DYDC2: variants seen among roughly 807,000 people sequenced by gnomAD.
The protein encoded by DYDC2 is DPY30 domain containing 2.
A neutral mutation model predicts 18.7 loss-of-function variants in DYDC2; 19 were observed. That is an observed-to-expected ratio of 1.02 (90% CI 0.71 to 1.49). The LOEUF (loss-of-function observed/expected upper bound fraction) is 1.49. Ranked by LOEUF, DYDC2 falls within the 40% of genes most tolerant of loss-of-function variation. The pLI, the probability that DYDC2 is intolerant of heterozygous loss-of-function variation, is 0.00. For synonymous variants in DYDC2, 63 were observed against 67.6 expected (o/e 0.93, Z 0.34); for missense variants, 179 against 205.1 (o/e 0.87, Z 0.78).
intron 2 of DYDC2, among the ~76,000 whole-genome samples, chr10:80,359,242 T>A (rs1843583200): frequency 1.3e-5 from 2 of 152,146 alleles, no homozygotes; most frequent in African/African-American, 4.8e-5. Flanking sequence ...GTTCTCCAAG[T>A]CCCCACTAGA....
Position 80,368,007 on chromosome 10 carries a change from A to G in DYDC2, c.*1056A>G, listed in dbSNP as rs1843888402. On this transcript the variant is annotated 3_prime_UTR_variant, in exon 5 of 5. Transcript: ENST00000256039. ...CTCTCCCCAGCCCCTGGCAACCACC[A>G]TTCTTTCTGTCTCTGTGATTTAGAT... 6.6e-6 allele frequency: 1 copy of G among 152,036 alleles called. No homozygotes were observed. 9.4% of individuals were successfully genotyped at this position (152,036 alleles called of 1,614,324 possible).
Position 80,366,966 on chromosome 10 carries a change from A to G in DYDC2, c.*15A>G, listed in dbSNP as rs371384461. ...CTCCTTTTTAGGTTACAGAAGGTAG[A>G]TGCTTCTGATTTACTTCTCTCAAAG... On this transcript the variant is annotated 3_prime_UTR_variant, in exon 5 of 5. Coordinates refer to ENST00000256039, the MANE Select transcript of DYDC2 (RefSeq NM_032372.6). The G allele has an allele frequency of 7.6e-5, 121 of 1,596,388 alleles. No individual in the cohort carries two copies. In the Admixed American group the frequency reaches 1.3e-3, roughly 17 times the overall value.
intron 2 of DYDC2, among the ~76,000 whole-genome samples, chr10:80,361,892 C>T (rs908533443): frequency 2.6e-5 from 4 of 152,198 alleles, no homozygotes; most frequent in African/African-American, 9.7e-5. Context: ...GCCATTTCTC[C>T]AAGGAGCCCT....
chr10:80,345,076 G>A (rs71481601), intron 1 of DYDC2, among the ~76,000 whole-genome samples: 10 of 152,046 alleles, frequency 6.6e-5, no homozygotes, highest in South Asian at 2.1e-4. Flanking sequence ...GTTTAAAGCC[G>A]GGAAGTGTTC....
intron 2 of DYDC2, among the ~76,000 whole-genome samples, chr10:80,359,771 C>T (rs915349982): frequency 6.6e-6 from 1 of 152,208 alleles, no homozygotes; most frequent in African/African-American, 2.4e-5. Context: ...GCAGTGCTGG[C>T]CGGCTGATCC....
chr10:80,348,801 A>G (rs1486390637), intron 1 of DYDC2, among the ~76,000 whole-genome samples: 1 of 152,234 alleles, frequency 6.6e-6, no homozygotes, highest in Non-Finnish European at 1.5e-5. Context: ...TTATACACAC[A>G]TAGACTGATA....
chr10:80,353,707 A>C (rs1843154276), upstream of DYDC2, among the ~76,000 whole-genome samples: 1 of 151,708 alleles, frequency 6.6e-6, no homozygotes, highest in Admixed American at 6.6e-5. Flanking sequence ...TGAACTGTGC[A>C]CTTACTCTGT....
At chr10:80,356,507 G>A, upstream of DYDC2, 1 of 985,454 alleles carries the variant, frequency 1.0e-6, no homozygotes, top group Non-Finnish European at 1.2e-6. Context: ...CAGCCCGCAG[G>A]AGACGCAGCG....
rs1406367302 is a variant in DYDC2, at chr10:80,357,952, T to C, written c.-103T>C. ...TAAACAAAGACAACCCCTATTCTTA[T>C]CACCTTGCCTACTGAGTGCAAGTCC... On this transcript the variant is annotated 5_prime_UTR_variant, in exon 2 of 5. Transcript: ENST00000256039. 35 of 985,142 alleles carry C rather than the reference T, an allele frequency of 3.6e-5. No individual in the cohort carries two copies. The highest frequency in any genetic ancestry group is 3.5e-5 in the Non-Finnish European group (29 of 829,772). 61.0% of individuals were successfully genotyped at this position (985,142 alleles called of 1,614,324 possible). A position where few individuals can be genotyped will look rare whatever the true frequency, so the allele number is the denominator to read the frequency against.
chr10:80,352,983 C>A (rs1366316413), upstream of DYDC2, among the ~76,000 whole-genome samples: 11 of 152,094 alleles, frequency 7.2e-5, no homozygotes, highest in Non-Finnish European at 1.6e-4. Flanking sequence ...CAAGCCCAGG[C>A]ACAGACAGCG....
At chr10:80,361,536 A>G (rs943490636) in intron 2 of DYDC2, among the ~76,000 whole-genome samples, 1 of 152,210 alleles carries the variant, frequency 6.6e-6, no homozygotes, top group Non-Finnish European at 1.5e-5. Context: ...TCCTGCTTTG[A>G]TTCAGTTATA....
At chr10:80,352,805 A>G, upstream of DYDC2, 1 of 520,212 alleles carries the variant, frequency 1.9e-6, no homozygotes, top group Non-Finnish European at 3.0e-6. Context: ...GGAAGTCACT[A>G]CAACTAACAT....
Position 80,366,719 on chromosome 10 carries a change from A to T in DYDC2, c.302A>T (p.Lys101Met). 6.2e-7 allele frequency: 1 copy of T among 1,608,482 alleles called. No homozygotes were observed. Residue 101 changes from lysine (K) to methionine (M), a missense_variant, in exon 5 of 5, where the codon AAG becomes ATG. Lys to Met is a moderately conservative substitution (Grantham distance 95, BLOSUM62 -1). Transcript: ENST00000256039. ...ACTTCTGAAACTGTTTCCACGAAGA[A>T]GACCATATTCATGCAGGAGGACACA... ...ELTSETVSTK[K>M]TIFMQEDTNP...
At chr10:80,365,296 T>C (rs1405301057) in intron 4 of DYDC2, among the ~76,000 whole-genome samples, 1 of 152,192 alleles carries the variant, frequency 6.6e-6, no homozygotes, top group Non-Finnish European at 1.5e-5. Context: ...CATACCCAAT[T>C]ATCTGAACCA....
upstream of DYDC2, among the ~76,000 whole-genome samples, chr10:80,354,014 G>A (rs561403862): frequency 6.6e-6 from 1 of 151,986 alleles, no homozygotes; most frequent in African/African-American, 2.4e-5. Flanking sequence ...TACTTGGGAG[G>A]CTGAGGCAGG....
At position 80,362,451 on chromosome 10, in the gene DYDC2, C is replaced by G; in HGVS notation, c.8C>G (p.Thr3Ser). ...GTTTTCCAGGCTGCCAGGATGGAAA[C>G]TAACTACCTGAAGAGGTGCTTTGGA... is the stretch of plus-strand genomic sequence containing the variant. ME[T>S]NYLKRCFGNC... Residue 3 changes from threonine to serine, a missense_variant, in exon 3 of 5, where the codon ACT becomes AGT. Transcript: ENST00000256039. 2 of 1,612,704 alleles carry G rather than the reference C, an allele frequency of 1.2e-6. No homozygotes were observed. Among genetic ancestry groups the G allele is most frequent in the Non-Finnish European group, 1.7e-6 (2 of 1,179,354 alleles).
chr10:80,360,763 C>CTT (rs3038615), intron 2 of DYDC2, among the ~76,000 whole-genome samples: 12,764 of 139,618 alleles, frequency 0.091, 787 homozygotes, highest in South Asian at 0.26. Context: ...TTCTTTCTTT[C>CTT]TTTTTTTTTT....
chr10:80,360,374 C>T (rs1233142447), intron 2 of DYDC2, among the ~76,000 whole-genome samples: 1 of 152,312 alleles, frequency 6.6e-6, no homozygotes, highest in Non-Finnish European at 1.5e-5. Context: ...TGAATCACAT[C>T]GCTTTTTCTC....
chr10:80,351,516 G>A (rs113433299), intron 1 of DYDC2, among the ~76,000 whole-genome samples: 224 of 138,416 alleles, frequency 1.6e-3, no homozygotes, highest in African/African-American at 5.2e-3. Context: ...CACTGTTCCC[G>A]CCAAATTACG....
Sources: allele counts gnomAD v4.1 joint callset (sites outside exome capture counted in the v4.1 genomes callset), GRCh38; gene constraint gnomAD v4.1.1; transcripts MANE v1.5; gene names NCBI Gene and HGNC (gene_info 2026-07-23, HGNC 2026-07-21).